The following ADAM9 variants were observed in gnomAD, a reference collection of about 807,000 sequenced individuals.
The protein encoded by ADAM9 is ADAM metallopeptidase domain 9, also known as disintegrin and metalloproteinase domain-containing protein 9.
In ADAM9, 54 loss-of-function variants were observed where a neutral mutation model predicts 108.1. That is an observed-to-expected ratio of 0.50 (90% CI 0.40 to 0.63). The LOEUF (loss-of-function observed/expected upper bound fraction) is 0.63, where lower values mean the gene tolerates loss of function less well. Among genes scored for constraint, ADAM9 ranks in the 20% least tolerant of loss-of-function variants. ADAM9 has a pLI of 0.00. For missense variants in ADAM9, 830 were observed against 997.7 expected, an observed-to-expected ratio of 0.83 and a Z score of 2.26; for synonymous variants, 316 against 336.0, an observed-to-expected ratio of 0.94 and a Z score of 0.65.
intron 8 of ADAM9, 135 bp from the exon 9 acceptor site, chr8:39,023,021 C>T: frequency 1.3e-6 from 1 of 798,486 alleles, no homozygotes; most frequent in Non-Finnish European, 1.9e-6. Context: ...CCCAAAGTCT[C>T]ATTGTATTAA....
intron 16 of ADAM9, among the ~76,000 whole-genome samples, chr8:39,081,976 A>C (rs758111362): frequency 1.3e-5 from 2 of 152,130 alleles, no homozygotes; most frequent in Non-Finnish European, 2.9e-5. Flanking sequence ...TCTTAGGTTT[A>C]ATATTTTTTT....
At chr8:39,002,434 T>C (rs1836027908) in intron 1 of ADAM9, among the ~76,000 whole-genome samples, 1 of 146,876 alleles carries the variant, frequency 6.8e-6, no homozygotes. Flanking sequence ...TTCTTCTGCC[T>C]CAGCCTCCCG....
intron 18 of ADAM9, among the ~76,000 whole-genome samples, chr8:39,086,222 C>A (rs977217761): frequency 5.9e-5 from 9 of 152,110 alleles, no homozygotes; most frequent in Non-Finnish European, 1.3e-4. Context: ...ACGCTGTTGG[C>A]CAGGCTGGTC....
At chr8:39,098,260 G>A (rs1427428802) in intron 20 of ADAM9, among the ~76,000 whole-genome samples, 1 of 151,628 alleles carries the variant, frequency 6.6e-6, no homozygotes, top group African/African-American at 2.4e-5. Context: ...TGGTGTAGAT[G>A]TGGACTTAAA....
At chr8:39,008,075 G>C in intron 2 of ADAM9, 92 bp downstream of exon 2, 1 of 931,888 alleles carries the variant, frequency 1.1e-6, no homozygotes, top group Non-Finnish European at 1.7e-6. Context: ...GATCAGTTCA[G>C]TGAGTTATTA....
At position 39,055,790 on chromosome 8, in the gene ADAM9, A is replaced by T. The variant is rs1302096442; in HGVS notation, c.1591+18A>T. On this transcript the variant is annotated intron_variant, in intron 14 of 21. Transcript: ENST00000487273. The stretch of plus-strand genomic sequence containing the variant: ...TGGCTCAAGTAAGATATCATCATTT[A>T]TAATTGATTGCTTCGATATTATTTA... 2 of 1,603,700 alleles carry T rather than the reference A, an allele frequency of 1.2e-6. No homozygotes were observed. Among genetic ancestry groups the T allele is most frequent in the Non-Finnish European group, 1.7e-6 (2 of 1,171,792 alleles).
intron 18 of ADAM9, chr8:39,089,818 C>T (rs926611999): frequency 1.6e-5 from 8 of 514,432 alleles, no homozygotes; most frequent in African/African-American, 5.8e-5. Context: ...ATTGTTTGCT[C>T]GAAGAAATAC....
At chr8:39,026,006 T>A in intron 10 of ADAM9, 122 bp downstream of exon 10, 1 of 982,612 alleles carries the variant, frequency 1.0e-6, no homozygotes. Context: ...AGGAACACAG[T>A]AGAAGTCGCA....
intron 14 of ADAM9, among the ~76,000 whole-genome samples, chr8:39,070,006 A>G (rs888203555): frequency 1.4e-5 from 2 of 146,630 alleles, no homozygotes; most frequent in Non-Finnish European, 3.0e-5. Flanking sequence ...AAAAAAAATT[A>G]GTCAAGTGTG....
intron 13 of ADAM9, among the ~76,000 whole-genome samples, chr8:39,055,276 G>T (rs1838082951): frequency 6.6e-6 from 1 of 152,054 alleles, no homozygotes; most frequent in Non-Finnish European, 1.5e-5. Flanking sequence ...GTTTCCTTAT[G>T]CCAATATTGG....
At chr8:39,045,457 TATGTGC>T (rs1837717134) in intron 12 of ADAM9, among the ~76,000 whole-genome samples, 1 of 149,192 alleles carries the variant, frequency 6.7e-6, no homozygotes, top group African/African-American at 2.5e-5. Context: ...CACACACCTA[TATGTGC>T]GTGTGTGTAC....
At chr8:39,100,388 G>A (rs1179623788) in intron 20 of ADAM9, among the ~76,000 whole-genome samples, 2 of 151,652 alleles carry the variant, frequency 1.3e-5, no homozygotes, top group African/African-American at 4.8e-5. Context: ...AGCTACTCGG[G>A]AGGCTGAGGC....
intron 12 of ADAM9, among the ~76,000 whole-genome samples, chr8:39,048,958 G>A (rs1021310259): frequency 1.4e-5 from 2 of 141,324 alleles, no homozygotes; most frequent in African/African-American, 5.3e-5. Flanking sequence ...GCCTATATAT[G>A]TCCTTAGAAC....
chr8:39,059,232 GAT>G (rs1838220325), intron 14 of ADAM9, among the ~76,000 whole-genome samples: 1 of 152,218 alleles, frequency 6.6e-6, no homozygotes, highest in Non-Finnish European at 1.5e-5. Flanking sequence ...TTGCTACAGA[GAT>G]GGCAAATCTA....
chr8:39,016,908 G>A (rs1229900398), intron 5 of ADAM9: 2 of 366,422 alleles, frequency 5.5e-6, no homozygotes, highest in Non-Finnish European at 1.0e-5. Context: ...GAAGACATTT[G>A]GAATTCAGAC....
intron 15 of ADAM9, among the ~76,000 whole-genome samples, chr8:39,075,285 G>A (rs1345929129): frequency 6.6e-6 from 1 of 152,210 alleles, no homozygotes; most frequent in Middle Eastern, 3.2e-3. Context: ...ATATCAAGGA[G>A]TCACTTAGTG....
At position 39,090,079 on chromosome 8, in the gene ADAM9, G is replaced by A. The variant is rs1839300509; in HGVS notation, c.2101G>A (p.Val701Ile). ...MNTALRDGLLVFFFLIVPLIV... is the reference protein window; with the variant it reads ...MNTALRDGLLIFFFLIVPLIV... ...TACTGCATTGAGGGACGGACTTCTG[G>A]TCTTCTTCTTCCTAATTGTTCCCCT... The change falls in exon 19 of 22, where the codon GTC becomes ATC. Residue 701 changes from valine (V) to isoleucine (I), a missense_variant. Val to Ile is a conservative substitution (Grantham distance 29). This residue lies in a region of ADAM9 where 238 missense variants were observed against 235.7 expected (regional missense o/e 1.01). Transcript: ENST00000487273. The A allele has an allele frequency of 1.2e-6, 2 of 1,613,682 alleles. No individual in the cohort carries two copies. Among genetic ancestry groups the A allele is most frequent in the African/African-American group, 1.3e-5 (1 of 74,826 alleles).
chr8:39,054,602 G>GAAAAAAA lies in ADAM9; in HGVS notation c.1395+43_1395+49dup, dbSNP rs755442483. 1.3e-3 allele frequency: 1,212 copies of GAAAAAAA among 944,914 alleles called. 1 individual carries two copies. Among genetic ancestry groups the GAAAAAAA allele is most frequent in the South Asian group, 4.4e-3 (279 of 63,460 alleles). The allele number at this position is 944,914 out of a possible 1,614,324, so 58.5% of individuals were successfully genotyped here. On this transcript the variant is annotated intron_variant, in intron 13 of 21. Coordinates refer to ENST00000487273, the MANE Select transcript of ADAM9 (RefSeq NM_003816.3). The stretch of plus-strand genomic sequence containing the variant: ...AGGAATTCCTCCCTTTTGGAAACAG[G>GAAAAAAA]AAAAAAAAAAAAAAAAAAAAGAAAA...
intron 16 of ADAM9, among the ~76,000 whole-genome samples, chr8:39,078,231 CT>C (rs1838909700): frequency 6.6e-6 from 1 of 152,106 alleles, no homozygotes; most frequent in African/African-American, 2.4e-5. Flanking sequence ...ACTAAATAAA[CT>C]TGATCGTTGC....
Sources: allele counts gnomAD v4.1 joint callset (sites outside exome capture counted in the v4.1 genomes callset), GRCh38; gene constraint gnomAD v4.1.1; regional missense constraint gnomAD v4.1.1; transcripts MANE v1.5; gene names NCBI Gene and HGNC (gene_info 2026-07-23, HGNC 2026-07-21).